Variants in LGALSL observed in about 807,000 individuals in gnomAD.
LGALSL encodes galectin like, also known as galectin-related protein.
In LGALSL, 13 loss-of-function variants were observed where a neutral mutation model predicts 19.5. The observed-to-expected ratio is 0.67, with a 90% confidence interval of 0.43 to 1.06. The LOEUF is 1.06. Ranked by LOEUF, LGALSL falls within the 50% of genes least tolerant of loss-of-function variation. LGALSL has a pLI of 0.00. For synonymous variants in LGALSL, 86 were observed against 78.3 expected (o/e 1.10, Z -0.52); for missense variants, 189 against 219.3 (o/e 0.86, Z 0.87).
chr2:64,454,650 G>C lies in LGALSL; in HGVS notation c.36+69G>C. On this transcript the variant is annotated intron_variant, in intron 1 of 4. Coordinates refer to ENST00000238875, the MANE Select transcript of LGALSL (RefSeq NM_014181.3). The surrounding 1 kb of genome is among the most constrained non-coding windows in gnomAD (Gnocchi z 5.1). ...CCGCACTCCGCCGCCGCCTGCTCCA[G>C]CAGTGCTGGGGTGCTGAGCAGCCGC... 1 of 1,164,366 alleles carries C rather than the reference G, an allele frequency of 8.6e-7. No individual in the cohort carries two copies. The highest frequency in any genetic ancestry group is 1.1e-6 in the Non-Finnish European group (1 of 909,306). 72.1% of individuals were successfully genotyped at this position (1,164,366 alleles called of 1,614,324 possible).
At position 64,456,933 on chromosome 2, in the gene LGALSL, G is replaced by A. The variant is rs540773763; in HGVS notation, c.375+468G>A. Among the ~76,000 whole-genome samples the A allele has an allele frequency of 6.6e-5, 10 of 152,248 alleles. No individual in the cohort carries two copies. In the South Asian group the frequency reaches 1.5e-3, roughly 22 times the overall value. On this transcript the variant is annotated intron_variant, in intron 4 of 4. Transcript: ENST00000238875. ...CCTTTGCTAATGAGGCCATGTTCGTGTCCTTGTTTCCCCCTCTGGATTAAT... is the reference window on the plus strand; with the variant it reads ...CCTTTGCTAATGAGGCCATGTTCGTATCCTTGTTTCCCCCTCTGGATTAAT...
chr2:64,456,253 C>G, intron 3 of LGALSL, 35 bp from the exon 4 acceptor site: 1 of 1,585,914 alleles, frequency 6.3e-7, no homozygotes. Context: ...GTTTTTATAT[C>G]CAACCCTTAA....
chr2:64,457,625 A>G (rs553270899), intron 4 of LGALSL, among the ~76,000 whole-genome samples: 3 of 152,350 alleles, frequency 2.0e-5, no homozygotes, highest in Non-Finnish European at 2.9e-5. Flanking sequence ...TGCCTCATGA[A>G]GAAGTAATTC....
rs1309887104 is a variant in LGALSL, at chr2:64,454,394, G to C, written c.-152G>C. ...AGGCTCTGCCTGCCAGGTCGGCGCC[G>C]GGCCCCGGGCGCGCGCGCGCGCGCC... On this transcript the variant is annotated 5_prime_UTR_variant, in exon 1 of 5. Coordinates refer to ENST00000238875, the MANE Select transcript of LGALSL (RefSeq NM_014181.3). This position sits in a 1 kb window ranked among gnomAD's most constrained non-coding sequence, Gnocchi z 5.1. 17 of 382,910 alleles carry C rather than the reference G, an allele frequency of 4.4e-5. No homozygotes were observed. The highest frequency in any genetic ancestry group is 6.8e-5 in the Non-Finnish European group (15 of 220,434). The allele number at this position is 382,910 out of a possible 1,614,324, so 23.7% of individuals were successfully genotyped here.
Position 64,460,731 on chromosome 2 carries a change from C to G in LGALSL, c.*2303C>G, listed in dbSNP as rs2103712815. 2.0e-5 allele frequency: 3 copies of G among 152,284 alleles called. 1 individual carries two copies. The highest frequency in any genetic ancestry group is 2.0e-4 in the Admixed American group (3 of 15,302). The allele number at this position is 152,284 out of a possible 1,614,324, so 9.4% of individuals were successfully genotyped here. On this transcript the variant is annotated 3_prime_UTR_variant, in exon 5 of 5. Coordinates refer to ENST00000238875, the MANE Select transcript of LGALSL (RefSeq NM_014181.3). ...ATTAGTAAGGGGCTTTAGCTGTAAA[C>G]TGAAAACAATATTCACACCCTCTCC... is the stretch of plus-strand genomic sequence containing the variant.
Position 64,454,536 on chromosome 2 carries a change from G to A in LGALSL, c.-10G>A. The stretch of plus-strand genomic sequence containing the variant: ...CGCGTCCCACGTACCCCGCCGCGCC[G>A]GGCAAGAAGATGGCGGGATCAGTGG... On this transcript the variant is annotated 5_prime_UTR_variant, in exon 1 of 5. Coordinates refer to ENST00000238875, the MANE Select transcript of LGALSL (RefSeq NM_014181.3). This position sits in a 1 kb window ranked among gnomAD's most constrained non-coding sequence, Gnocchi z 5.1. The A allele has an allele frequency of 4.9e-6, 7 of 1,431,786 alleles. No individual in the cohort carries two copies. Among genetic ancestry groups the A allele is most frequent in the South Asian group, 1.4e-5 (1 of 71,718 alleles). 88.7% of individuals were successfully genotyped at this position (1,431,786 alleles called of 1,614,324 possible).
rs748305899 is a variant in LGALSL at position 64,456,481 on chromosome 2, G to A, written c.375+16G>A. 4.6e-6 allele frequency: 7 copies of A among 1,528,428 alleles called. No individual in the cohort carries two copies. Among genetic ancestry groups the A allele is most frequent in the Non-Finnish European group, 6.2e-6 (7 of 1,137,080 alleles). 94.7% of individuals were successfully genotyped at this position (1,528,428 alleles called of 1,614,324 possible). On this transcript the variant is annotated intron_variant, in intron 4 of 4. Transcript: ENST00000238875. The stretch of plus-strand genomic sequence containing the variant: ...GCCATTCAGGGTGAGTACCTCGAGT[G>A]CCTCGGCTCCAGCCACTGGCAGGCT...
chr2:64,458,572 A>G lies in LGALSL; in HGVS notation c.*144A>G. ...TTCACTTAAGGGTGGTTTGCCCTTA[A>G]GAAGAAAGCTGTTGGGACAAAGACA... On this transcript the variant is annotated 3_prime_UTR_variant, in exon 5 of 5. Coordinates refer to ENST00000238875, the MANE Select transcript of LGALSL (RefSeq NM_014181.3). 1 of 744,642 alleles carries G rather than the reference A, an allele frequency of 1.3e-6. No homozygotes were observed. The highest frequency in any genetic ancestry group is 2.2e-5 in the South Asian group (1 of 46,248). The allele number at this position is 744,642 out of a possible 1,614,324, so 46.1% of individuals were successfully genotyped here.
chr2:64,455,496 G>T, intron 2 of LGALSL, 81 bp downstream of exon 2: 1 of 1,496,186 alleles, frequency 6.7e-7, no homozygotes, highest in East Asian at 2.3e-5. Flanking sequence ...TTTGTTTATT[G>T]CATTTTCCAG....
rs563378386 is a variant in LGALSL at position 64,457,159 on chromosome 2, C to T, written c.375+694C>T. Among the ~76,000 whole-genome samples, 46 of 152,254 alleles carry T rather than the reference C, an allele frequency of 3.0e-4. No individual in the cohort carries two copies. In the South Asian group the frequency reaches 9.1e-3, roughly 30 times the overall value. On this transcript the variant is annotated intron_variant, in intron 4 of 4. Transcript: ENST00000238875. ...AGAGATGCAGGTAGTGGCACAGTGGCTTGTGCCTATAATCCCACCACTTTG... is the reference window on the plus strand; with the variant it reads ...AGAGATGCAGGTAGTGGCACAGTGGTTTGTGCCTATAATCCCACCACTTTG...
Position 64,454,503 on chromosome 2 carries a change from C to A in LGALSL, c.-43C>A. 1 of 1,322,076 alleles carries A rather than the reference C, an allele frequency of 7.6e-7. No homozygotes were observed. Among genetic ancestry groups the A allele is most frequent in the Non-Finnish European group, 9.7e-7 (1 of 1,025,888 alleles). The allele number at this position is 1,322,076 out of a possible 1,614,324, so 81.9% of individuals were successfully genotyped here. ...CGCAGGACAGCCCCGGGATCCCCGC[C>A]CGCGCGCCGCGTCCCACGTACCCCG... On this transcript the variant is annotated 5_prime_UTR_variant, in exon 1 of 5. Coordinates refer to ENST00000238875, the MANE Select transcript of LGALSL (RefSeq NM_014181.3). The surrounding 1 kb of genome is among the most constrained non-coding windows in gnomAD (Gnocchi z 5.1).
At chr2:64,456,154 C>G in intron 3 of LGALSL, 134 bp from the exon 4 acceptor site, 1 of 683,646 alleles carries the variant, frequency 1.5e-6, no homozygotes, top group South Asian at 2.1e-5. Flanking sequence ...TCTCCATAAT[C>G]TAACCTCTCT....
chr2:64,456,668 C>T (rs1686741911), intron 4 of LGALSL, among the ~76,000 whole-genome samples: 1 of 152,182 alleles, frequency 6.6e-6, no homozygotes, highest in Non-Finnish European at 1.5e-5. Context: ...TAGTTCTATT[C>T]AGGTCATACA....
At position 64,461,018 on chromosome 2, in the gene LGALSL, G is replaced by C. The variant is rs1686817159; in HGVS notation, c.*2590G>C. 6.6e-6 allele frequency: 1 copy of C among 152,052 alleles called. No individual in the cohort carries two copies. Among genetic ancestry groups the C allele is most frequent in the African/African-American group, 2.4e-5 (1 of 41,392 alleles). 9.4% of individuals were successfully genotyped at this position (152,052 alleles called of 1,614,324 possible). ...AATAGAAGTGACTTCTACTTTTTGG[G>C]CTATTCCAGAAGTATTTTAAAATTA... On this transcript the variant is annotated 3_prime_UTR_variant, in exon 5 of 5. Coordinates refer to ENST00000238875, the MANE Select transcript of LGALSL (RefSeq NM_014181.3).
At chr2:64,456,574 G>T in intron 4 of LGALSL, 109 bp downstream of exon 4, 1 of 854,426 alleles carries the variant, frequency 1.2e-6, no homozygotes, top group South Asian at 2.3e-5. Flanking sequence ...GCATGTCCAG[G>T]AAATTTGTCA....
chr2:64,457,621 A>G (rs17743505), intron 4 of LGALSL, among the ~76,000 whole-genome samples: 56,222 of 152,100 alleles, frequency 0.37, 10,830 homozygotes, highest in Middle Eastern at 0.53. Context: ...CAAGTGCCTC[A>G]TGAAGAAGTA....
At chr2:64,456,630 T>C (rs1371532741) in intron 4 of LGALSL, among the ~76,000 whole-genome samples, 165 bp downstream of exon 4, 1 of 152,200 alleles carries the variant, frequency 6.6e-6, no homozygotes, top group African/African-American at 2.4e-5. Flanking sequence ...TTTGCTGATA[T>C]AAATTAACAC....
At chr2:64,456,028 T>A (rs566039776) in intron 3 of LGALSL, among the ~76,000 whole-genome samples, 9 of 152,182 alleles carry the variant, frequency 5.9e-5, no homozygotes, top group African/African-American at 2.2e-4. Flanking sequence ...CCTGGTCAAT[T>A]TCTGTGGCTG....
rs1686804682 is a variant in LGALSL at position 64,460,292 on chromosome 2, G to A, written c.*1864G>A. The A allele has an allele frequency of 6.6e-6, 1 of 152,132 alleles. No homozygotes were observed. The highest frequency in any genetic ancestry group is 6.6e-5 in the Admixed American group (1 of 15,266). The allele number at this position is 152,132 out of a possible 1,614,324, so 9.4% of individuals were successfully genotyped here. A position where few individuals can be genotyped will look rare whatever the true frequency, so the allele number is the denominator to read the frequency against. On this transcript the variant is annotated 3_prime_UTR_variant, in exon 5 of 5. Coordinates refer to ENST00000238875, the MANE Select transcript of LGALSL (RefSeq NM_014181.3). The stretch of plus-strand genomic sequence containing the variant: ...TTAACCATATTCAGCCTGTTCCGTG[G>A]GGGCTGTTCTGTGGTTCCAGGTATT...
Sources: gnomAD v4.1 joint callset for allele counts (sites outside exome capture counted in the v4.1 genomes callset) on GRCh38, gnomAD v4.1.1 for gene constraint, Gnocchi (gnomAD v3.1) non-coding constraint, MANE v1.5 for transcripts, NCBI Gene and HGNC (gene_info 2026-07-23, HGNC 2026-07-21) for gene names.